MAST4: variants seen among roughly 807,000 people sequenced by gnomAD.
MAST4 encodes the protein microtubule associated serine/threonine kinase family member 4.
Under a neutral mutation model 162.7 loss-of-function variants are expected in MAST4, and 89 were observed. The observed-to-expected ratio is 0.55, with a 90% confidence interval of 0.46 to 0.65. The LOEUF (loss-of-function observed/expected upper bound fraction) is 0.65. Ranked by LOEUF, MAST4 falls within the 30% of genes least tolerant of loss-of-function variation. The pLI is 0.00. For synonymous variants in MAST4, 1,479 were observed against 1,361.1 expected (o/e 1.09, Z -1.91); for missense variants, 3,153 against 3,374.0 (o/e 0.93, Z 1.62).
chr5:66,655,878 T>G (rs1001556620), intron 1 of MAST4, among the ~76,000 whole-genome samples: 2 of 152,218 alleles, frequency 1.3e-5, no homozygotes, highest in African/African-American at 2.4e-5. Context: ...TGCAGAACTT[T>G]TAATATATTT....
intron 1 of MAST4, among the ~76,000 whole-genome samples, chr5:66,628,953 A>G (rs1220832446): frequency 6.6e-6 from 1 of 152,194 alleles, no homozygotes; most frequent in Admixed American, 6.5e-5. Flanking sequence ...GAATTGTATA[A>G]TATCTTACAC....
chr5:66,601,585 G>A (rs1269747989), intron 1 of MAST4, among the ~76,000 whole-genome samples: 1 of 152,168 alleles, frequency 6.6e-6, no homozygotes, highest in Admixed American at 6.5e-5. Flanking sequence ...GAGTTAGGTG[G>A]GGGAGGGCAA....
Position 66,888,181 on chromosome 5 carries a change from C to G in MAST4, c.643-11770C>G, listed in dbSNP as rs184501290. On this transcript the variant is annotated intron_variant, in intron 3 of 28. Transcript: ENST00000403625. Reference sequence around the variant, plus strand: ...AATTGTTTATTCTGTGACCTCTTTACAATAAATTTCGGTACCATTAGAGGC... The same window carrying G: ...AATTGTTTATTCTGTGACCTCTTTAGAATAAATTTCGGTACCATTAGAGGC... 4.0e-3 allele frequency among the ~76,000 whole-genome samples: 611 copies of G among 152,242 alleles called. 4 individuals carry two copies. The highest frequency in any genetic ancestry group is 0.014 in the African/African-American group (588 of 41,526).
chr5:66,604,690 G>A (rs1009320583), intron 1 of MAST4, among the ~76,000 whole-genome samples: 2 of 152,072 alleles, frequency 1.3e-5, no homozygotes, highest in Admixed American at 6.5e-5. Flanking sequence ...TGAGAATTTA[G>A]GTGTGTTCCT....
intron 3 of MAST4, among the ~76,000 whole-genome samples, chr5:66,829,976 G>A (rs1423550868): frequency 1.3e-5 from 2 of 152,170 alleles, no homozygotes; most frequent in African/African-American, 4.8e-5. Context: ...GAATTTCAGT[G>A]TGGTCATTGT....
intron 14 of MAST4, among the ~76,000 whole-genome samples, chr5:67,129,873 G>A (rs1276653597): frequency 6.6e-6 from 1 of 151,978 alleles, no homozygotes; most frequent in East Asian, 1.9e-4. Flanking sequence ...GACATATATC[G>A]AATTTTGATG....
intron 1 of MAST4, among the ~76,000 whole-genome samples, chr5:66,720,356 GAT>G (rs1234748934): frequency 1.3e-5 from 2 of 152,000 alleles, no homozygotes; most frequent in African/African-American, 4.8e-5. Flanking sequence ...AAAAAAATTT[GAT>G]AGTGTCCCCT....
At chr5:67,102,116 T>G (rs145178799) in intron 8 of MAST4, among the ~76,000 whole-genome samples, 4 of 151,940 alleles carry the variant, frequency 2.6e-5, no homozygotes, top group African/African-American at 4.8e-5. Context: ...AGGTGTATGA[T>G]AAAAGTGTGA....
chr5:67,114,208 A>T lies in MAST4; in HGVS notation c.1580A>T (p.Asp527Val), dbSNP rs1333070740. The T allele has an allele frequency of 3.7e-6, 6 of 1,611,168 alleles. No homozygotes were observed. The highest frequency in any genetic ancestry group is 5.1e-6 in the Non-Finnish European group (6 of 1,178,970). ...ATTAGCCAACTGGGACTCAATAAGGATCCCTTGGAAGGTGAGTCCCTGGGT... is the reference window on the plus strand; with the variant it reads ...ATTAGCCAACTGGGACTCAATAAGGTTCCCTTGGAAGGTGAGTCCCTGGGT... ...YIISQLGLNK[D>V]PLEEMAHLGN... The change falls in exon 12 of 29, where the codon GAT becomes GTT. Residue 527 changes from aspartate (D) to valine (V), a missense_variant. Transcript: ENST00000403625.
In MAST4 at chr5:67,152,840, A is replaced by G. The variant is rs367798348; in HGVS notation, c.3499A>G (p.Ile1167Val). Residue 1167 changes from isoleucine (I) to valine (V), a missense_variant, in exon 25 of 29, where the codon ATC becomes GTC. Coordinates refer to ENST00000403625, the MANE Select transcript of MAST4 (RefSeq NM_001164664.2). ...AIRVYVGDSD[I>V]YTVHHIVWNV... ...CCGGGTGTATGTGGGAGACAGTGACATCTATACAGTGCACCATATCGTCTG... is the reference window on the plus strand; with the variant it reads ...CCGGGTGTATGTGGGAGACAGTGACGTCTATACAGTGCACCATATCGTCTG... 6.2e-7 allele frequency: 1 copy of G among 1,613,894 alleles called. No homozygotes were observed. Among genetic ancestry groups the G allele is most frequent in the Non-Finnish European group, 8.5e-7 (1 of 1,179,868 alleles).
chr5:66,687,650 A>G (rs57023301), intron 1 of MAST4, among the ~76,000 whole-genome samples: 17,133 of 150,604 alleles, frequency 0.11, 1,091 homozygotes, highest in East Asian at 0.25. Flanking sequence ...CTATCTATCT[A>G]TCTATCTATC....
chr5:66,674,837 G>A (rs1046345623), intron 1 of MAST4, among the ~76,000 whole-genome samples: 2 of 152,104 alleles, frequency 1.3e-5, no homozygotes, highest in African/African-American at 4.8e-5. Flanking sequence ...GTCCTTGGTC[G>A]CAAACAACAG....
intron 3 of MAST4, among the ~76,000 whole-genome samples, chr5:66,832,206 C>T (rs533779653): frequency 1.3e-4 from 20 of 148,918 alleles, no homozygotes; most frequent in South Asian, 4.2e-4. Flanking sequence ...TCCCCACACA[C>T]GCCCCCCAAT....
intron 3 of MAST4, among the ~76,000 whole-genome samples, chr5:66,801,680 ATTT>A (rs1755929009): frequency 2.0e-5 from 3 of 152,146 alleles, no homozygotes; most frequent in Non-Finnish European, 4.4e-5. Flanking sequence ...GGAAAGGTTT[ATTT>A]TATTTTTAAG....
intron 4 of MAST4, among the ~76,000 whole-genome samples, chr5:66,926,562 C>CTATA (rs200663380): frequency 0.23 from 29,041 of 127,022 alleles, 3,494 homozygotes; most frequent in Non-Finnish European, 0.33. Context: ...CTCTCTTTCT[C>CTATA]TCTCTATATA....
Position 66,798,298 on chromosome 5 carries a change from A to C in MAST4, c.642+9504A>C, listed in dbSNP as rs146681669. 3.9e-5 allele frequency among the ~76,000 whole-genome samples: 6 copies of C among 152,318 alleles called. No homozygotes were observed. The East Asian group carries it at 1.2e-3, about 29-fold the overall frequency. ...CTAAATCTTTTATTGTTCAGGGTAC[A>C]TCAGCTTCCATTAAAAAAAGTCTTC... On this transcript the variant is annotated intron_variant, in intron 3 of 28. Transcript: ENST00000403625.
intron 5 of MAST4, among the ~76,000 whole-genome samples, chr5:67,081,698 C>T (rs1762676037): frequency 6.6e-6 from 1 of 152,078 alleles, no homozygotes; most frequent in African/African-American, 2.4e-5. Context: ...ACCTCCAAAA[C>T]TATAAAAATA....
chr5:66,790,159 A>T (rs904048290), intron 3 of MAST4, among the ~76,000 whole-genome samples: 2 of 152,004 alleles, frequency 1.3e-5, no homozygotes, highest in Admixed American at 6.6e-5. Flanking sequence ...TGATATATAA[A>T]TCAATGTATT....
At chr5:66,895,916 C>T (rs914718275) in intron 3 of MAST4, among the ~76,000 whole-genome samples, 2 of 152,130 alleles carry the variant, frequency 1.3e-5, no homozygotes, top group African/African-American at 4.8e-5. Context: ...ACCCTTCTTC[C>T]AGTCCCTCAA....
Sources: allele counts gnomAD v4.1 joint callset (sites outside exome capture counted in the v4.1 genomes callset), GRCh38; gene constraint gnomAD v4.1.1; transcripts MANE v1.5; gene names NCBI Gene and HGNC (gene_info 2026-07-23, HGNC 2026-07-21).